Variants in ESRRG observed in about 807,000 individuals in gnomAD.
The protein encoded by ESRRG is estrogen related receptor gamma.
Under a neutral mutation model 44.0 loss-of-function variants are expected in ESRRG, and 13 were observed. That is an observed-to-expected ratio of 0.30 (90% CI 0.19 to 0.47). The LOEUF (loss-of-function observed/expected upper bound fraction) is 0.47, where lower values mean the gene tolerates loss of function less well. Among genes scored for constraint, ESRRG ranks in the 20% least tolerant of loss-of-function variants. The pLI, the probability that ESRRG is intolerant of heterozygous loss-of-function variation, is 1.00. For synonymous variants in ESRRG, 215 were observed against 214.6 expected (o/e 1.00, Z -0.02); for missense variants, 395 against 580.6 (o/e 0.68, Z 3.29).
chr1:216,967,465 G>T (rs1163533000), intron 1 of ESRRG, among the ~76,000 whole-genome samples: 1 of 152,102 alleles, frequency 6.6e-6, no homozygotes, highest in African/African-American at 2.4e-5. Context: ...TTTCTAGAAA[G>T]ACATATAGTT....
chr1:216,942,622 G>A (rs1421194468), intron 1 of ESRRG, among the ~76,000 whole-genome samples: 1 of 152,032 alleles, frequency 6.6e-6, no homozygotes, highest in Non-Finnish European at 1.5e-5. Flanking sequence ...GTGTAGGATG[G>A]TATCTCACTG....
intron 1 of ESRRG, among the ~76,000 whole-genome samples, chr1:216,722,970 A>G (rs1192946801): frequency 6.6e-6 from 1 of 152,206 alleles, no homozygotes; most frequent in African/African-American, 2.4e-5. Context: ...GCCTATTCTT[A>G]GCACCTGAAT....
intron 1 of ESRRG, among the ~76,000 whole-genome samples, chr1:217,080,724 C>T (rs1473942356): frequency 7.9e-6 from 1 of 126,782 alleles, no homozygotes; most frequent in Non-Finnish European, 1.6e-5. Flanking sequence ...GTTGCCCAGG[C>T]TGGAGTGCAG....
chr1:216,613,278 A>G (rs2060923459), intron 3 of ESRRG, among the ~76,000 whole-genome samples: 1 of 152,310 alleles, frequency 6.6e-6, no homozygotes, highest in African/African-American at 2.4e-5. Context: ...TATTATTGTA[A>G]TGGTAACATC....
chr1:216,780,054 G>C (rs1379973377), intron 2 of ESRRG, among the ~76,000 whole-genome samples: 1 of 151,674 alleles, frequency 6.6e-6, no homozygotes, highest in Non-Finnish European at 1.5e-5. Flanking sequence ...AAGGCCATGT[G>C]CATGTTTCTA....
intron 3 of ESRRG, among the ~76,000 whole-genome samples, chr1:216,582,454 T>G (rs2062968115): frequency 6.6e-6 from 1 of 152,202 alleles, no homozygotes. Context: ...TCTTTTCTTT[T>G]TTTTTGAGAC....
At chr1:216,572,047 T>A (rs1048983730) in intron 3 of ESRRG, among the ~76,000 whole-genome samples, 3 of 152,298 alleles carry the variant, frequency 2.0e-5, no homozygotes, top group Non-Finnish European at 4.4e-5. Flanking sequence ...ACTTTTTCAA[T>A]TCAAGTAGAA....
intron 1 of ESRRG, among the ~76,000 whole-genome samples, chr1:217,054,867 C>T (rs1275510690): frequency 6.6e-6 from 1 of 152,130 alleles, no homozygotes; most frequent in Non-Finnish European, 1.5e-5. Flanking sequence ...AACACAGGCC[C>T]TGTGAGATCT....
At chr1:217,121,610 G>A (rs1382060351) in intron 1 of ESRRG, among the ~76,000 whole-genome samples, 1 of 152,044 alleles carries the variant, frequency 6.6e-6, no homozygotes, top group Non-Finnish European at 1.5e-5. Context: ...TAGAAAGGAA[G>A]GAAAAAGAAA....
intron 1 of ESRRG, among the ~76,000 whole-genome samples, chr1:217,133,647 CTTTCTT>C (rs1160786529): frequency 7.5e-4 from 43 of 57,032 alleles, no homozygotes; most frequent in African/African-American, 4.0e-3. Context: ...CTCTCTCTCT[CTTTCTT>C]TCTTTCTTTC....
intron 2 of ESRRG, among the ~76,000 whole-genome samples, chr1:216,926,456 C>G (rs1032032973): frequency 8.6e-5 from 13 of 151,402 alleles, no homozygotes; most frequent in African/African-American, 3.2e-4. Flanking sequence ...TCCTGTGACT[C>G]TTACACATGA....
chr1:216,939,518 G>A (rs2064856652), intron 2 of ESRRG: 1 of 151,948 alleles, frequency 6.6e-6, no homozygotes, highest in Non-Finnish European at 1.5e-5. Flanking sequence ...GTATCACGTG[G>A]CATTATGTTA....
intron 2 of ESRRG, among the ~76,000 whole-genome samples, chr1:216,907,060 G>A (rs967004166): frequency 2.0e-5 from 3 of 152,172 alleles, no homozygotes; most frequent in East Asian, 1.9e-4. Flanking sequence ...GGTAGGACCC[G>A]TCACACTGGG....
intron 2 of ESRRG, among the ~76,000 whole-genome samples, chr1:216,734,960 G>A (rs1188792745): frequency 2.2e-5 from 3 of 139,128 alleles, no homozygotes; most frequent in African/African-American, 5.4e-5. Context: ...CCAGGCTGGA[G>A]TGCAGTGGTG....
chr1:217,057,375 T>C (rs941798295), intron 1 of ESRRG, among the ~76,000 whole-genome samples: 20 of 152,096 alleles, frequency 1.3e-4, no homozygotes, highest in African/African-American at 4.8e-4. Context: ...AAGGTCAAGG[T>C]CAAATCCCAT....
intron 1 of ESRRG, among the ~76,000 whole-genome samples, chr1:216,940,156 A>G (rs2149950799): frequency 6.6e-6 from 1 of 152,328 alleles, no homozygotes; most frequent in Non-Finnish European, 1.5e-5. Flanking sequence ...TCAGAAAAAA[A>G]CACAAGAGAG....
At chr1:216,960,242 T>C (rs1179854194) in intron 1 of ESRRG, among the ~76,000 whole-genome samples, 1 of 152,166 alleles carries the variant, frequency 6.6e-6, no homozygotes, top group African/African-American at 2.4e-5. Context: ...TACATGTATA[T>C]CATATATGTA....
At chr1:216,601,023 T>C (rs1385197691) in intron 3 of ESRRG, among the ~76,000 whole-genome samples, 2 of 152,202 alleles carry the variant, frequency 1.3e-5, no homozygotes, top group Non-Finnish European at 2.9e-5. Context: ...GTTCTCTGCC[T>C]GGATTGGGCT....
intron 2 of ESRRG, among the ~76,000 whole-genome samples, chr1:216,824,365 G>C (rs757201447): frequency 1.4e-4 from 22 of 152,152 alleles, no homozygotes; most frequent in Non-Finnish European, 2.1e-4. Context: ...AAAATCACTT[G>C]AACAGGGGAG....
Sources: gnomAD v4.1 joint callset for allele counts (sites outside exome capture counted in the v4.1 genomes callset) on GRCh38, gnomAD v4.1.1 for gene constraint, MANE v1.5 for transcripts, NCBI Gene and HGNC (gene_info 2026-07-23, HGNC 2026-07-21) for gene names.